RFWD3: variants seen among roughly 807,000 people sequenced by gnomAD.
RFWD3 encodes the protein ring finger and WD repeat domain 3, also known as E3 ubiquitin-protein ligase RFWD3.
RFWD3 carries 65 observed loss-of-function variants against 87.7 expected under a neutral mutation model. The ratio of observed to expected loss-of-function variants is 0.74; its 90% CI spans 0.61 to 0.91. The LOEUF (loss-of-function observed/expected upper bound fraction) is 0.91. Among genes scored for constraint, RFWD3 ranks in the 40% least tolerant of loss-of-function variants. RFWD3 has a pLI of 0.00. For synonymous variants in RFWD3, 433 were observed against 352.8 expected (o/e 1.23, Z -2.55); for missense variants, 1,078 against 938.5 (o/e 1.15, Z -1.94).
intron 11 of RFWD3, among the ~76,000 whole-genome samples, chr16:74,628,208 G>A (rs376562898): frequency 2.9e-4 from 44 of 152,254 alleles, no homozygotes; most frequent in African/African-American, 1.1e-3. Context: ...GCTCCTAAGT[G>A]GCTAATTCAC....
In RFWD3 at chr16:74,621,471, G is replaced by C. The variant is rs1958765166; in HGVS notation, c.*2457C>G. ...GAAACATTAAAACAGGGCATAAACA[G>C]AGTTCCCATGGCCCTGTTTTCAAAG... On this transcript the variant is annotated 3_prime_UTR_variant, in exon 13 of 13. Coordinates refer to ENST00000361070, the MANE Select transcript of RFWD3 (RefSeq NM_018124.4). 6.6e-6 allele frequency: 1 copy of C among 152,082 alleles called. No individual in the cohort carries two copies. Among genetic ancestry groups the C allele is most frequent in the South Asian group, 2.1e-4 (1 of 4,830 alleles). 9.4% of individuals were successfully genotyped at this position (152,082 alleles called of 1,614,324 possible). A position where few individuals can be genotyped will look rare whatever the true frequency, so the allele number is the denominator to read the frequency against.
At chr16:74,655,364 C>T (rs374473702) in intron 2 of RFWD3, among the ~76,000 whole-genome samples, 2,775 of 151,874 alleles carry the variant, frequency 0.018, 36 homozygotes, top group Non-Finnish European at 0.028. Context: ...CTCAGCCTCC[C>T]GAGTAGCTGG....
At chr16:74,643,595 T>C (rs2144187050) in intron 6 of RFWD3, among the ~76,000 whole-genome samples, 1 of 152,128 alleles carries the variant, frequency 6.6e-6, no homozygotes, top group South Asian at 2.1e-4. Context: ...CCCATGTCAC[T>C]GTACCTCTCT....
intron 4 of RFWD3, among the ~76,000 whole-genome samples, chr16:74,647,155 A>T (rs1960215671): frequency 6.6e-6 from 1 of 152,250 alleles, no homozygotes; most frequent in Non-Finnish European, 1.5e-5. Flanking sequence ...AAGCTGGGAA[A>T]AATGAGCCAG....
At chr16:74,655,743 T>C (rs770870505) in intron 2 of RFWD3, among the ~76,000 whole-genome samples, 1 of 148,732 alleles carries the variant, frequency 6.7e-6, no homozygotes, top group Non-Finnish European at 1.5e-5. Flanking sequence ...CAGGATGGTC[T>C]CACCCATCTC....
At chr16:74,657,869 A>G (rs995551340) in intron 2 of RFWD3, among the ~76,000 whole-genome samples, 2 of 152,240 alleles carry the variant, frequency 1.3e-5, no homozygotes, top group Admixed American at 1.3e-4. Context: ...GACTAAACAC[A>G]TAAGAAAAGC....
Position 74,636,540 on chromosome 16 carries a change from A to G in RFWD3, c.1232T>C (p.Leu411Ser). The G allele has an allele frequency of 6.2e-7, 1 of 1,613,950 alleles. No individual in the cohort carries two copies. The highest frequency in any genetic ancestry group is 8.5e-7 in the Non-Finnish European group (1 of 1,180,030). The stretch of plus-strand genomic sequence containing the variant: ...TGCTTGGGAGCCCCTGGGTTGCTGT[A>G]AATTCTGACTTTGATGTGACGTAAG... ...QKLTSHQSQN[L>S]QQPRGSQAWV... Residue 411 changes from leucine to serine, a missense_variant, in exon 8 of 13, where the codon TTA (leucine) becomes TCA (serine). Coordinates refer to ENST00000361070, the MANE Select transcript of RFWD3 (RefSeq NM_018124.4).
intron 6 of RFWD3, among the ~76,000 whole-genome samples, chr16:74,640,679 C>T (rs1597430358): frequency 6.6e-6 from 1 of 151,724 alleles, no homozygotes; most frequent in East Asian, 2.0e-4. Context: ...GTGGCTCATG[C>T]CTGTAATCCC....
At chr16:74,639,143 A>T (rs1329133411) in intron 6 of RFWD3, among the ~76,000 whole-genome samples, 4 of 148,506 alleles carry the variant, frequency 2.7e-5, no homozygotes, top group African/African-American at 1.0e-4. Flanking sequence ...GGTTCAAGAG[A>T]TTTCTTGCCT....
chr16:74,630,975 A>G lies in RFWD3; in HGVS notation c.1578-18T>C. The G allele has an allele frequency of 6.3e-7, 1 of 1,587,956 alleles. No individual in the cohort carries two copies. On this transcript the variant is annotated intron_variant, in intron 9 of 12. Transcript: ENST00000361070. ...TCTCCAGGCTGTGGAGTTACAAAAG[A>G]CTTTTACAACTGCATTAAGAAAATC...
intron 6 of RFWD3, among the ~76,000 whole-genome samples, chr16:74,642,942 T>C (rs553879559): frequency 1.8e-4 from 27 of 152,352 alleles, no homozygotes; most frequent in Admixed American, 7.2e-4. Context: ...TAATTCCTTA[T>C]TGTAATCAGT....
chr16:74,643,657 T>C (rs1406904127), intron 6 of RFWD3, among the ~76,000 whole-genome samples: 1 of 150,738 alleles, frequency 6.6e-6, no homozygotes, highest in Admixed American at 6.6e-5. Context: ...CTGAGTGGTG[T>C]TACTAGCAAC....
chr16:74,636,461 G>A lies in RFWD3; in HGVS notation c.1311C>T (p.His437=), dbSNP rs1959199318. 1.9e-6 allele frequency: 3 copies of A among 1,614,040 alleles called. No individual in the cohort carries two copies. Among genetic ancestry groups the A allele is most frequent in the African/African-American group, 2.7e-5 (2 of 74,928 alleles). Residue 437 remains histidine (H), a synonymous_variant, in exon 8 of 13, where the codon CAC becomes CAT. Coordinates refer to ENST00000361070, the MANE Select transcript of RFWD3 (RefSeq NM_018124.4). The part of the protein sequence containing the change: ...SSQGQHKHKY[H]FQKTFTVSQA... ...GAGATACTGTGAAGGTCTTTTGGAAGTGGTACTTGTGCTTGTGCTGGCCCT... is the reference window on the plus strand; with the variant it reads ...GAGATACTGTGAAGGTCTTTTGGAAATGGTACTTGTGCTTGTGCTGGCCCT...
At chr16:74,639,109 G>A (rs377164399) in intron 6 of RFWD3, among the ~76,000 whole-genome samples, 4 of 149,614 alleles carry the variant, frequency 2.7e-5, no homozygotes, top group South Asian at 2.1e-4. Flanking sequence ...CGTGATCCAG[G>A]CTCACGGCTA....
intron 6 of RFWD3, among the ~76,000 whole-genome samples, chr16:74,638,600 G>C (rs1246919470): frequency 6.6e-6 from 1 of 152,082 alleles, no homozygotes; most frequent in Non-Finnish European, 1.5e-5. Flanking sequence ...AATTGGAAAA[G>C]ATAAAGCTGC....
At chr16:74,630,181 C>T (rs896551486) in intron 10 of RFWD3, among the ~76,000 whole-genome samples, 2 of 152,172 alleles carry the variant, frequency 1.3e-5, no homozygotes, top group East Asian at 1.9e-4. Flanking sequence ...CCGCAACCTC[C>T]GCCTCCGAGG....
intron 3 of RFWD3, among the ~76,000 whole-genome samples, chr16:74,650,273 T>C (rs1960462723): frequency 6.6e-6 from 1 of 152,166 alleles, no homozygotes; most frequent in African/African-American, 2.4e-5. Context: ...TCTGAGGTAT[T>C]ATTTATCTTG....
At chr16:74,665,671 G>C (rs1414131472) in intron 1 of RFWD3, among the ~76,000 whole-genome samples, 1 of 152,230 alleles carries the variant, frequency 6.6e-6, no homozygotes, top group African/African-American at 2.4e-5. Context: ...GAGGTGGGAG[G>C]ATCCCTGGGG....
chr16:74,661,264 G>A lies in RFWD3; in HGVS notation c.186C>T (p.Ser62=), dbSNP rs999808562. The A allele has an allele frequency of 3.7e-6, 6 of 1,614,056 alleles. No individual in the cohort carries two copies. Among genetic ancestry groups the A allele is most frequent in the African/African-American group, 1.3e-5 (1 of 74,922 alleles). Residue 62 remains serine, a synonymous_variant, in exon 2 of 13, where the codon AGC becomes AGT. Transcript: ENST00000361070. Reference sequence around the variant, plus strand: ...GGAGCAGGGGTGGTGTCGCTTGGCTGCTGATCACCTCAGCAGGAGCTGGCT... The same window carrying A: ...GGAGCAGGGGTGGTGTCGCTTGGCTACTGATCACCTCAGCAGGAGCTGGCT... The part of the protein sequence containing the change: ...ILQPAPAEVI[S]SQATPPLLQP...
Sources: allele counts gnomAD v4.1 joint callset (sites outside exome capture counted in the v4.1 genomes callset), GRCh38; gene constraint gnomAD v4.1.1; transcripts MANE v1.5; gene names NCBI Gene and HGNC (gene_info 2026-07-23, HGNC 2026-07-21).